RIPOR2: variants seen among roughly 807,000 people sequenced by gnomAD.
The protein encoded by RIPOR2 is RHO family interacting cell polarization regulator 2, also known as rho family-interacting cell polarization regulator 2.
A neutral mutation model predicts 114.5 loss-of-function variants in RIPOR2; 39 were observed. The observed-to-expected ratio is 0.34, with a 90% CI of 0.26 to 0.44. The LOEUF is 0.44. RIPOR2 is among the 20% of genes least tolerant of loss of function. The pLI is 1.00. For missense variants in RIPOR2, 1,007 were observed against 1,255.1 expected (o/e 0.80, Z 2.99); for synonymous variants, 445 against 484.4 (o/e 0.92, Z 1.07).
chr6:24,913,563 A>T (rs887571539), intron 1 of RIPOR2, among the ~76,000 whole-genome samples: 3 of 152,130 alleles, frequency 2.0e-5, no homozygotes, highest in African/African-American at 7.2e-5. Context: ...CACACTGTGT[A>T]TTGGATTGCC....
chr6:24,835,957 C>G (rs191415929), intron 14 of RIPOR2, 86 bp from the exon 15 acceptor site: 3 of 1,255,856 alleles, frequency 2.4e-6, no homozygotes, highest in Non-Finnish European at 3.4e-6. Context: ...CGGGCCCCAA[C>G]AGCACCCACT....
chr6:24,833,848 C>T (rs1476657528), intron 15 of RIPOR2, among the ~76,000 whole-genome samples: 1 of 152,100 alleles, frequency 6.6e-6, no homozygotes, highest in Non-Finnish European at 1.5e-5. Context: ...GAGAGAAACA[C>T]TGCATTGACT....
chr6:24,987,334 G>A (rs1774572064), intron 1 of RIPOR2, among the ~76,000 whole-genome samples: 1 of 152,212 alleles, frequency 6.6e-6, no homozygotes, highest in Non-Finnish European at 1.5e-5. Context: ...AGATAGAGGT[G>A]ATGATACACA....
At chr6:24,978,978 G>A (rs1774185045) in intron 1 of RIPOR2, among the ~76,000 whole-genome samples, 1 of 152,126 alleles carries the variant, frequency 6.6e-6, no homozygotes. Context: ...ATTAGCTTAG[G>A]CCTGGGGTGC....
intron 1 of RIPOR2, among the ~76,000 whole-genome samples, chr6:24,941,062 C>A (rs1372186357): frequency 6.6e-6 from 1 of 152,078 alleles, no homozygotes; most frequent in Non-Finnish European, 1.5e-5. Flanking sequence ...CCTCCCAGAG[C>A]CTTTAGAAGT....
Position 24,876,985 on chromosome 6 carries a change from G to C in RIPOR2, c.62-1168C>G, listed in dbSNP as rs186555796. 1.2e-3 allele frequency: 1,160 copies of C among 985,404 alleles called. 3 individuals carry two copies. The African/African-American group carries it at 0.013, about 11-fold the overall frequency. 61.0% of individuals were successfully genotyped at this position (985,404 alleles called of 1,614,324 possible). On this transcript the variant is annotated intron_variant, in intron 1 of 21. Transcript: ENST00000643898. The stretch of plus-strand genomic sequence containing the variant: ...AGCAGGTGACTTCAATCCAGAGAGG[G>C]GGACAGGCTAGCAGGAAAAAGGGTA...
chr6:24,825,515 A>G, intron 18 of RIPOR2, 87 bp from the exon 19 acceptor site: 2 of 938,448 alleles, frequency 2.1e-6, no homozygotes, highest in Non-Finnish European at 3.3e-6. Flanking sequence ...TCAAGTACAT[A>G]AGAAAGTATA....
intron 1 of RIPOR2, among the ~76,000 whole-genome samples, chr6:24,934,384 A>G (rs1771617720): frequency 6.6e-6 from 1 of 152,260 alleles, no homozygotes; most frequent in Admixed American, 6.5e-5. Context: ...AACAGCAGCG[A>G]AGCTCAATAG....
chr6:24,888,074 G>A (rs1466625570), intron 1 of RIPOR2, among the ~76,000 whole-genome samples: 1 of 152,078 alleles, frequency 6.6e-6, no homozygotes, highest in East Asian at 1.9e-4. Flanking sequence ...AATGAAGCCT[G>A]AGCCTGTTTG....
chr6:24,831,105 C>T (rs1156918288), intron 16 of RIPOR2, among the ~76,000 whole-genome samples: 1 of 151,924 alleles, frequency 6.6e-6, no homozygotes, highest in Non-Finnish European at 1.5e-5. Context: ...CCCCATAAGA[C>T]TGTGGTTAGT....
At chr6:24,938,780 C>G (rs774194549), upstream of RIPOR2, among the ~76,000 whole-genome samples, 12 of 152,148 alleles carry the variant, frequency 7.9e-5, no homozygotes, top group Non-Finnish European at 1.6e-4. Flanking sequence ...CTACCACGAA[C>G]TCCTTGAAAG....
intron 15 of RIPOR2, among the ~76,000 whole-genome samples, chr6:24,834,094 A>T (rs1760901686): frequency 6.6e-6 from 1 of 152,188 alleles, no homozygotes; most frequent in Non-Finnish European, 1.5e-5. Flanking sequence ...AGAAAAAAAA[A>T]AAACTGCACA....
chr6:25,005,738 T>TATATATATATATATACATACAC (rs34572978), intron 1 of RIPOR2, among the ~76,000 whole-genome samples: 1 of 70,700 alleles, frequency 1.4e-5, no homozygotes, highest in Non-Finnish European at 3.3e-5. Flanking sequence ...TATATATATA[T>TATATATATATATATACATACAC]ATACATTTAC....
At chr6:25,022,501 C>T (rs1450501692) in intron 1 of RIPOR2, among the ~76,000 whole-genome samples, 14 of 131,682 alleles carry the variant, frequency 1.1e-4, no homozygotes, top group Admixed American at 4.1e-4. Flanking sequence ...TTCTTTTTAA[C>T]GTAACACATA....
chr6:24,909,600 C>T (rs953935757), intron 1 of RIPOR2, among the ~76,000 whole-genome samples: 2 of 152,048 alleles, frequency 1.3e-5, no homozygotes, highest in East Asian at 3.9e-4. Context: ...ATCGAGCAGA[C>T]GCTCACACAG....
At chr6:24,930,311 T>C (rs1321031863) in intron 1 of RIPOR2, among the ~76,000 whole-genome samples, 1 of 152,230 alleles carries the variant, frequency 6.6e-6, no homozygotes, top group African/African-American at 2.4e-5. Context: ...ATAGAAGACA[T>C]ACTCTAGTAT....
intron 1 of RIPOR2, among the ~76,000 whole-genome samples, chr6:24,949,630 A>T (rs376959879): frequency 1.3e-5 from 2 of 152,254 alleles, no homozygotes; most frequent in Non-Finnish European, 1.5e-5. Context: ...GGGACTTGGC[A>T]AATGCCAAAA....
chr6:24,826,900 CA>C lies in RIPOR2; in HGVS notation c.2665+1236del, dbSNP rs543757280. The stretch of plus-strand genomic sequence containing the variant: ...TTCTTTCTTTATACTTCTCTGTTTA[CA>C]TTTTTTTTTTTAATAATGAAGGCTT... On this transcript the variant is annotated intron_variant, in intron 18 of 21. Coordinates refer to ENST00000643898, the MANE Select transcript of RIPOR2 (RefSeq NM_001286445.3). Among the ~76,000 whole-genome samples the C allele has an allele frequency of 7.9e-4, 102 of 129,164 alleles. 1 individual carries two copies. Among genetic ancestry groups the C allele is most frequent in the African/African-American group, 2.7e-3 (97 of 36,488 alleles). The allele number at this position is 129,164 out of a possible 152,430, so 84.7% of individuals were successfully genotyped here.
At chr6:24,956,438 A>G (rs1486399373) in intron 1 of RIPOR2, among the ~76,000 whole-genome samples, 2 of 152,210 alleles carry the variant, frequency 1.3e-5, no homozygotes, top group Non-Finnish European at 1.5e-5. Flanking sequence ...AATACTTATC[A>G]TCTTACCTCT....
Sources: allele counts gnomAD v4.1 joint callset (sites outside exome capture counted in the v4.1 genomes callset), GRCh38; gene constraint gnomAD v4.1.1; transcripts MANE v1.5; gene names NCBI Gene and HGNC (gene_info 2026-07-23, HGNC 2026-07-21).